The following DAB1 variants were observed in gnomAD, a reference collection of about 807,000 sequenced individuals.
The protein encoded by DAB1 is DAB adaptor protein 1, also known as disabled homolog 1.
A neutral mutation model predicts 64.6 loss-of-function variants in DAB1; 15 were observed. The ratio of observed to expected loss-of-function variants is 0.23; its 90% CI spans 0.16 to 0.36. The LOEUF is 0.36. Among genes scored for constraint, DAB1 ranks in the 10% least tolerant of loss-of-function variants. DAB1 has a pLI of 1.00. For synonymous variants in DAB1, 235 were observed against 251.9 expected, an observed-to-expected ratio of 0.93 and a Z score of 0.64; for missense variants, 596 against 706.7, an observed-to-expected ratio of 0.84 and a Z score of 1.78.
rs1014588269 is a variant in DAB1, at chr1:58,061,094, C to G, written n.387+89417G>C. ...AGGATGCTCAGGTCTGACGTGGGCT[C>G]AGGAACGTCCTCACTGACCCCACTC... On this transcript the variant is annotated intron_variant and non_coding_transcript_variant, in intron 5 of 20. Coordinates refer to the DAB1 transcript ENST00000485760. Among the ~76,000 whole-genome samples the G allele has an allele frequency of 9.9e-5, 15 of 152,196 alleles. No homozygotes were observed. The East Asian group carries it at 2.9e-3, about 29-fold the overall frequency.
intron 7 of DAB1, among the ~76,000 whole-genome samples, chr1:57,564,764 T>C (rs1645096932): frequency 6.6e-6 from 1 of 152,158 alleles, no homozygotes; most frequent in Non-Finnish European, 1.5e-5. Flanking sequence ...CCAAGAAATA[T>C]GGGACTATGT....
intron 9 of DAB1, among the ~76,000 whole-genome samples, chr1:57,031,862 T>G (rs1646975492): frequency 6.6e-6 from 1 of 152,208 alleles, no homozygotes; most frequent in African/African-American, 2.4e-5. Flanking sequence ...TAAAGAGAGA[T>G]GTAGCTGGAG....
upstream of DAB1, among the ~76,000 whole-genome samples, chr1:57,426,859 A>AATATATATAT (rs998763894): frequency 2.5e-4 from 31 of 122,862 alleles, no homozygotes; most frequent in African/African-American, 9.2e-4. Flanking sequence ...TAAATGAGAT[A>AATATATATAT]ATATATATAT....
chr1:57,315,534 G>A (rs781568728), intron 1 of DAB1, among the ~76,000 whole-genome samples: 29 of 152,184 alleles, frequency 1.9e-4, no homozygotes, highest in Non-Finnish European at 3.5e-4. Flanking sequence ...ACGGAGTCTC[G>A]CTCTGTCACC....
intron 5 of DAB1, among the ~76,000 whole-genome samples, chr1:58,070,053 A>G (rs1470093008): frequency 6.6e-6 from 1 of 152,184 alleles, no homozygotes; most frequent in African/African-American, 2.4e-5. Flanking sequence ...GCCTTGCTCA[A>G]TACTAGGCCA....
At chr1:58,296,742 A>G (rs1422282322) in intron 4 of DAB1, among the ~76,000 whole-genome samples, 3 of 152,104 alleles carry the variant, frequency 2.0e-5, no homozygotes, top group Admixed American at 2.0e-4. Flanking sequence ...CCTTTAATGG[A>G]AGGCAGAATT....
At chr1:57,975,145 A>C (rs1346822320) in intron 5 of DAB1, among the ~76,000 whole-genome samples, 1 of 152,220 alleles carries the variant, frequency 6.6e-6, no homozygotes, top group Non-Finnish European at 1.5e-5. Flanking sequence ...AAAAGACACA[A>C]AGACATAATG....
At chr1:58,117,735 GAA>G (rs1652424317) in intron 5 of DAB1, among the ~76,000 whole-genome samples, 1 of 151,972 alleles carries the variant, frequency 6.6e-6, no homozygotes, top group South Asian at 2.1e-4. Context: ...TTAGAAACGG[GAA>G]AATGAAACAA....
intron 3 of DAB1, among the ~76,000 whole-genome samples, chr1:57,143,680 T>C (rs1202457928): frequency 6.6e-6 from 1 of 152,136 alleles, no homozygotes; most frequent in African/African-American, 2.4e-5. Flanking sequence ...CTGATATATA[T>C]GCTAACCTAC....
At chr1:58,029,554 G>A (rs1341469317) in intron 5 of DAB1, among the ~76,000 whole-genome samples, 2 of 152,214 alleles carry the variant, frequency 1.3e-5, no homozygotes, top group Non-Finnish European at 1.5e-5. Flanking sequence ...AATTACAAAA[G>A]AGGCCAGACT....
At chr1:58,064,689 TTATTTATGTATTTATTTATG>T (rs1557633975) in intron 5 of DAB1, among the ~76,000 whole-genome samples, 8 of 111,592 alleles carry the variant, frequency 7.2e-5, no homozygotes, top group African/African-American at 2.8e-4. Context: ...ATTTTTTTAT[TTATTTATGTATTTATTTATG>T]TATTTATGTA....
chr1:57,010,716 T>C lies in DAB1; in HGVS notation c.1647A>G (p.Ile549Met). 1 of 1,589,604 alleles carries C rather than the reference T, an allele frequency of 6.3e-7. No homozygotes were observed. Among genetic ancestry groups the C allele is most frequent in the Non-Finnish European group, 8.6e-7 (1 of 1,165,092 alleles). ...EPSGEPSGDNISPQAGS is the reference protein window; with the variant it reads ...EPSGEPSGDNMSPQAGS ...CTATCTAGCTACCGGCCTGTGGACT[T>C]ATATTATCACCACTGGGCTCCCCAC... The change falls in exon 14 of 15, where the codon ATA becomes ATG. Residue 549 changes from isoleucine (I) to methionine (M), a missense_variant. By Grantham distance (10) the Ile-to-Met change is conservative (BLOSUM62 1). Transcript: ENST00000371236.
intron 9 of DAB1, among the ~76,000 whole-genome samples, chr1:57,026,350 G>A (rs1398693691): frequency 6.6e-6 from 1 of 152,122 alleles, no homozygotes; most frequent in African/African-American, 2.4e-5. Flanking sequence ...TGCCAGCAAT[G>A]TCTCTCTTTT....
chr1:57,063,347 A>G (rs1369289995), intron 8 of DAB1, among the ~76,000 whole-genome samples: 4 of 152,182 alleles, frequency 2.6e-5, no homozygotes, highest in South Asian at 2.1e-4. Context: ...AAACTGTTCA[A>G]TGCTGAGGCT....
chr1:57,587,709 T>C (rs192736604), intron 7 of DAB1, among the ~76,000 whole-genome samples: 26 of 152,300 alleles, frequency 1.7e-4, no homozygotes, highest in African/African-American at 6.3e-4. Flanking sequence ...AAGAGAGGTA[T>C]GATTATTTCT....
chr1:57,595,046 GA>G (rs1417560078), intron 7 of DAB1, among the ~76,000 whole-genome samples: 1 of 152,058 alleles, frequency 6.6e-6, no homozygotes, highest in Non-Finnish European at 1.5e-5. Flanking sequence ...CCAAGTGTTA[GA>G]ATTACATGTT....
At chr1:58,102,517 A>G (rs538407553) in intron 5 of DAB1, among the ~76,000 whole-genome samples, 159 of 152,276 alleles carry the variant, frequency 1.0e-3, no homozygotes, top group African/African-American at 3.6e-3. Context: ...TCTAATCCAG[A>G]GATGGTCAAA....
chr1:57,408,786 T>C (rs1213817007), intron 1 of DAB1, among the ~76,000 whole-genome samples: 2 of 152,180 alleles, frequency 1.3e-5, no homozygotes, highest in African/African-American at 4.8e-5. Context: ...ATTTTCCCGC[T>C]CTATGAACAG....
chr1:57,282,182 CAAAAAAAAAA>C (rs61512431), intron 2 of DAB1, among the ~76,000 whole-genome samples: 1 of 92,768 alleles, frequency 1.1e-5, no homozygotes, highest in Non-Finnish European at 2.2e-5. Context: ...GCCTTCTTCT[CAAAAAAAAAA>C]AAAAAAAAAA....
Sources: gnomAD v4.1 joint callset for allele counts (sites outside exome capture counted in the v4.1 genomes callset) on GRCh38, gnomAD v4.1.1 for gene constraint, MANE v1.5 for transcripts, NCBI Gene and HGNC (gene_info 2026-07-23, HGNC 2026-07-21) for gene names.